The following NBEA variants were observed in gnomAD, a reference collection of about 807,000 sequenced individuals.
The protein encoded by NBEA is lysosomal-trafficking regulator 2.
NBEA carries 44 observed loss-of-function variants against 343.4 expected under a neutral mutation model. The observed-to-expected ratio is 0.13, with a 90% CI of 0.10 to 0.16. The LOEUF is 0.16. Ranked by LOEUF, NBEA falls within the 10% of genes least tolerant of loss-of-function variation. NBEA has a pLI of 1.00. For synonymous variants in NBEA, 1,175 were observed against 1,238.7 expected (o/e 0.95, Z 1.08); for missense variants, 2,555 against 3,631.3 (o/e 0.70, Z 7.62).
intron 25 of NBEA, 105 bp from the exon 26 acceptor site, chr13:35,171,167 G>T (rs997176186): frequency 1.1e-6 from 1 of 920,010 alleles, no homozygotes; most frequent in Admixed American, 1.9e-5. Context: ...TATAAAATAT[G>T]GTAAATATAC....
At chr13:35,377,963 G>C (rs949655905) in intron 38 of NBEA, among the ~76,000 whole-genome samples, 1 of 152,098 alleles carries the variant, frequency 6.6e-6, no homozygotes, top group Non-Finnish European at 1.5e-5. Context: ...GAGCTCTTCA[G>C]TAATTACTTT....
chr13:35,417,586 C>G (rs1411095946), intron 38 of NBEA, among the ~76,000 whole-genome samples: 2 of 152,110 alleles, frequency 1.3e-5, no homozygotes, highest in Admixed American at 1.3e-4. Context: ...TTTGATTGCA[C>G]TGTGGTCTGA....
At chr13:35,309,011 C>T (rs1339379626) in intron 35 of NBEA, among the ~76,000 whole-genome samples, 3 of 151,698 alleles carry the variant, frequency 2.0e-5, no homozygotes, top group Admixed American at 6.6e-5. Flanking sequence ...TAACTTTTTT[C>T]TAATTAGCAT....
intron 36 of NBEA, among the ~76,000 whole-genome samples, chr13:35,315,924 TAAAAC>T (rs991342304): frequency 3.9e-5 from 6 of 151,998 alleles, no homozygotes; most frequent in East Asian, 1.9e-4. Flanking sequence ...TATTTAAAAA[TAAAAC>T]AAACCAAAAA....
At chr13:35,144,086 C>T (rs568696777) in intron 18 of NBEA, among the ~76,000 whole-genome samples, 122 of 152,148 alleles carry the variant, frequency 8.0e-4, no homozygotes, top group Non-Finnish European at 1.5e-3. Context: ...ATTCAAATTT[C>T]GGTCTCTGCA....
intron 36 of NBEA, among the ~76,000 whole-genome samples, chr13:35,340,704 A>G (rs1440988349): frequency 2.0e-5 from 3 of 152,072 alleles, no homozygotes; most frequent in African/African-American, 7.2e-5. Context: ...ATCAAAAACC[A>G]CAACATTATT....
intron 1 of NBEA, among the ~76,000 whole-genome samples, chr13:35,039,829 C>T (rs947646998): frequency 6.6e-6 from 1 of 152,096 alleles, no homozygotes; most frequent in Non-Finnish European, 1.5e-5. Flanking sequence ...GCCTTTGCTT[C>T]CTCTTTTCTC....
intron 41 of NBEA, chr13:35,475,563 G>A (rs754872961): frequency 6.8e-6 from 11 of 1,613,468 alleles, no homozygotes; most frequent in East Asian, 6.7e-5. Context: ...CCGGCCAGGG[G>A]ATGTGGGGAA....
chr13:35,488,081 C>G (rs1249744819), intron 41 of NBEA, among the ~76,000 whole-genome samples: 1 of 151,806 alleles, frequency 6.6e-6, no homozygotes, highest in Non-Finnish European at 1.5e-5. Flanking sequence ...TTGTATTCAT[C>G]CAACTCATAT....
At chr13:35,658,875 C>T (rs1002741783) in intron 55 of NBEA, among the ~76,000 whole-genome samples, 8 of 152,146 alleles carry the variant, frequency 5.3e-5, no homozygotes, top group African/African-American at 1.9e-4. Flanking sequence ...CCATCTGTGT[C>T]GGTCTCTTCA....
At chr13:35,549,667 C>G (rs1443408224) in intron 41 of NBEA, among the ~76,000 whole-genome samples, 2 of 152,130 alleles carry the variant, frequency 1.3e-5, no homozygotes, top group African/African-American at 2.4e-5. Flanking sequence ...GCAGGAAGGG[C>G]AAAGTGGTAT....
intron 38 of NBEA, among the ~76,000 whole-genome samples, chr13:35,381,803 A>G (rs1458539476): frequency 6.6e-6 from 1 of 152,136 alleles, no homozygotes; most frequent in African/African-American, 2.4e-5. Flanking sequence ...AAAGAAGGTA[A>G]TCACCTTAAT....
intron 34 of NBEA, among the ~76,000 whole-genome samples, chr13:35,267,651 C>G (rs1006100978): frequency 1.3e-5 from 2 of 151,098 alleles, no homozygotes; most frequent in Non-Finnish European, 3.0e-5. Flanking sequence ...TCCTAAAACT[C>G]AACCACAAAA....
intron 41 of NBEA, among the ~76,000 whole-genome samples, chr13:35,538,977 G>GA (rs1259777993): frequency 6.6e-6 from 1 of 152,164 alleles, no homozygotes; most frequent in African/African-American, 2.4e-5. Flanking sequence ...AATCACTCTG[G>GA]AATGTTTTAA....
At chr13:35,058,682 A>T in intron 7 of NBEA, 35 bp from the exon 8 acceptor site, 1 of 1,524,228 alleles carries the variant, frequency 6.6e-7, no homozygotes, top group South Asian at 1.2e-5. Flanking sequence ...TGTCATTAAA[A>T]ATAATGCATT....
chr13:35,067,156 C>G (rs2063683966), intron 8 of NBEA, among the ~76,000 whole-genome samples: 1 of 151,992 alleles, frequency 6.6e-6, no homozygotes, highest in African/African-American at 2.4e-5. Context: ...ATAATTGTGT[C>G]TTTTAAAGAA....
intron 1 of NBEA, among the ~76,000 whole-genome samples, chr13:34,968,019 C>G (rs1156669926): frequency 2.0e-5 from 3 of 152,070 alleles, no homozygotes; most frequent in African/African-American, 4.8e-5. Flanking sequence ...TCAGAGGTTC[C>G]CACAACTTCC....
intron 1 of NBEA, among the ~76,000 whole-genome samples, chr13:35,026,463 G>A (rs1484465093): frequency 6.6e-6 from 1 of 151,930 alleles, no homozygotes; most frequent in Admixed American, 6.6e-5. Context: ...CTAGTATGGG[G>A]CACTTTCTGT....
At chr13:35,191,544 A>G (rs1171013953) in intron 30 of NBEA, among the ~76,000 whole-genome samples, 1 of 150,758 alleles carries the variant, frequency 6.6e-6, no homozygotes, top group African/African-American at 2.4e-5. Flanking sequence ...GTTTAAAATG[A>G]ACTTTAATGA....
Sources: gnomAD v4.1 joint callset for allele counts (sites outside exome capture counted in the v4.1 genomes callset) on GRCh38, gnomAD v4.1.1 for gene constraint, MANE v1.5 for transcripts, NCBI Gene and HGNC (gene_info 2026-07-23, HGNC 2026-07-21) for gene names.